CNIH3: variants seen among roughly 807,000 people sequenced by gnomAD.
CNIH3 encodes the protein cornichon family AMPA receptor auxiliary protein 3, also known as protein cornichon homolog 3.
A neutral mutation model predicts 24.1 loss-of-function variants in CNIH3; 14 were observed. The ratio of observed to expected loss-of-function variants is 0.58; its 90% CI spans 0.38 to 0.91. CNIH3 has a LOEUF of 0.91. Ranked by LOEUF, CNIH3 falls within the 40% of genes least tolerant of loss-of-function variation. The pLI, the probability that CNIH3 is intolerant of heterozygous loss-of-function variation, is 0.00. For synonymous variants in CNIH3, 68 were observed against 73.8 expected (o/e 0.92, Z 0.40); for missense variants, 178 against 196.8 (o/e 0.90, Z 0.57).
At chr1:224,545,624 A>G (rs1433911958) in intron 2 of CNIH3, among the ~76,000 whole-genome samples, 3 of 152,154 alleles carry the variant, frequency 2.0e-5, no homozygotes, top group Admixed American at 2.0e-4. Flanking sequence ...CTGTAAGAAC[A>G]AACATCATTA....
In CNIH3 at chr1:224,545,644, C is replaced by T. The variant is rs117114504; in HGVS notation, n.340-1185C>T. ...AGAACAAACATCATTAAGTTCTTGG[C>T]GGAGGAAGAAGGGGCACAGAGGAGG... On this transcript the variant is annotated intron_variant and non_coding_transcript_variant, in intron 2 of 5. Transcript: ENST00000471578. Among the ~76,000 whole-genome samples, 67 of 152,038 alleles carry T rather than the reference C, an allele frequency of 4.4e-4. 2 individuals carry two copies. In the East Asian group the frequency reaches 9.1e-3, roughly 21 times the overall value.
chr1:224,554,790 T>C (rs1411253046), intron 3 of CNIH3, among the ~76,000 whole-genome samples: 1 of 152,138 alleles, frequency 6.6e-6, no homozygotes, highest in Non-Finnish European at 1.5e-5. Flanking sequence ...TCTCACTATG[T>C]TGCCTAAGCT....
At chr1:224,655,679 C>T (rs996726368) in intron 1 of CNIH3, among the ~76,000 whole-genome samples, 4 of 152,146 alleles carry the variant, frequency 2.6e-5, no homozygotes, top group South Asian at 2.1e-4. Context: ...CCCAGGGATC[C>T]GTTGCTCACT....
rs560931988 is a variant in CNIH3 at position 224,703,023 on chromosome 1, G to C, written c.198+18180G>C. Reference sequence around the variant, plus strand: ...ATTGAATTGGAAACTCAGGAGGTGAGGTTAGGGCCTCAGCATTTTATAAAT... The same window carrying C: ...ATTGAATTGGAAACTCAGGAGGTGACGTTAGGGCCTCAGCATTTTATAAAT... On this transcript the variant is annotated intron_variant, in intron 3 of 5. Transcript: ENST00000272133. The surrounding 1 kb of genome is among the most constrained non-coding windows in gnomAD (Gnocchi z 4.2). 6.6e-6 allele frequency among the ~76,000 whole-genome samples: 1 copy of C among 152,196 alleles called. No individual in the cohort carries two copies.
At chr1:224,451,125 C>T (rs1489182016) in intron 1 of CNIH3, among the ~76,000 whole-genome samples, 3 of 152,044 alleles carry the variant, frequency 2.0e-5, no homozygotes, top group East Asian at 1.9e-4. Flanking sequence ...GGGGTATGGC[C>T]GAGGGTTATG....
At chr1:224,692,586 T>C (rs942508503) in intron 3 of CNIH3, among the ~76,000 whole-genome samples, 4 of 152,318 alleles carry the variant, frequency 2.6e-5, no homozygotes, top group Admixed American at 6.5e-5. Flanking sequence ...TTCTAAAGCA[T>C]GGAAATAGTG....
At chr1:224,483,934 G>A (rs1423569222) in intron 1 of CNIH3, among the ~76,000 whole-genome samples, 2 of 152,114 alleles carry the variant, frequency 1.3e-5, no homozygotes, top group African/African-American at 4.8e-5. Context: ...ACTTTGGGAG[G>A]CCAAGATGGG....
At chr1:224,694,268 A>G (rs4653593) in intron 3 of CNIH3, among the ~76,000 whole-genome samples, 118,015 of 152,138 alleles carry the variant, frequency 0.78, 46,468 homozygotes, top group Middle Eastern at 0.87. Flanking sequence ...CACAACAGAA[A>G]GTTGGTTTTG....
intron 1 of CNIH3, among the ~76,000 whole-genome samples, chr1:224,509,601 C>T (rs1471524840): frequency 6.6e-6 from 1 of 152,146 alleles, no homozygotes; most frequent in African/African-American, 2.4e-5. Flanking sequence ...CCTGCCTGCC[C>T]CAAATAGCTG....
intron 1 of CNIH3, among the ~76,000 whole-genome samples, chr1:224,666,606 C>T (rs1453438173): frequency 1.3e-5 from 2 of 152,126 alleles, no homozygotes; most frequent in African/African-American, 2.4e-5. Flanking sequence ...AGCCCTCAAT[C>T]GCCAGTTTGT....
intron 3 of CNIH3, among the ~76,000 whole-genome samples, chr1:224,554,601 C>T (rs1456577456): frequency 2.7e-5 from 4 of 150,416 alleles, no homozygotes; most frequent in East Asian, 1.9e-4. Flanking sequence ...GTTGTTGTTT[C>T]GAGTCAGGGT....
chr1:224,470,781 G>A (rs1307342302), intron 1 of CNIH3, among the ~76,000 whole-genome samples: 1 of 152,144 alleles, frequency 6.6e-6, no homozygotes, highest in African/African-American at 2.4e-5. Context: ...CTTTAAAGAT[G>A]TTGTTCCATT....
chr1:224,533,201 A>G (rs1401276735), intron 2 of CNIH3, among the ~76,000 whole-genome samples: 1 of 151,940 alleles, frequency 6.6e-6, no homozygotes, highest in Non-Finnish European at 1.5e-5. Flanking sequence ...AGATTAAAGT[A>G]TCAGAGACAC....
rs775334757 is a variant in CNIH3, at chr1:224,604,589, G to A, written n.402+38325G>A. Among the ~76,000 whole-genome samples, 1 of 152,196 alleles carries A rather than the reference G, an allele frequency of 6.6e-6. No individual in the cohort carries two copies. The highest frequency in any genetic ancestry group is 1.5e-5 in the Non-Finnish European group (1 of 68,032). The stretch of plus-strand genomic sequence containing the variant: ...TGGTTATGTGGCACCAGGGAGGCTG[G>A]AGCCAGGGATGGGGCTCCCAGACTG... On this transcript the variant is annotated intron_variant and non_coding_transcript_variant, in intron 3 of 7. Transcript: ENST00000478120. This position sits in a 1 kb window ranked among gnomAD's most constrained non-coding sequence, Gnocchi z 4.4.
At chr1:224,726,197 G>T (rs1028011521) in intron 3 of CNIH3, among the ~76,000 whole-genome samples, 19 of 152,256 alleles carry the variant, frequency 1.2e-4, no homozygotes, top group Non-Finnish European at 1.6e-4. Context: ...CCAGCCTGGA[G>T]AGGAGGTCCA....
rs192444289 is a variant in CNIH3 at position 224,630,843 on chromosome 1, G to A, written c.81+13588G>A. 3.8e-3 allele frequency among the ~76,000 whole-genome samples: 571 copies of A among 152,182 alleles called. 2 individuals are homozygous for A. Among genetic ancestry groups the A allele is most frequent in the Non-Finnish European group, 5.5e-3 (377 of 68,000 alleles). ...GAGGTGGGTGGTTTCTGCCCTTGGG[G>A]TATGCTGTCTGGCCAGAATGGAGCT... On this transcript the variant is annotated intron_variant, in intron 1 of 5. Coordinates refer to ENST00000272133, the MANE Select transcript of CNIH3 (RefSeq NM_152495.2).
chr1:224,516,977 A>T (rs1221315536), intron 1 of CNIH3, among the ~76,000 whole-genome samples: 1 of 152,034 alleles, frequency 6.6e-6, no homozygotes, highest in Non-Finnish European at 1.5e-5. Context: ...CAGGGAAATT[A>T]AGAACTGTTT....
chr1:224,479,222 C>T (rs1037469262), intron 1 of CNIH3, among the ~76,000 whole-genome samples: 25 of 137,510 alleles, frequency 1.8e-4, no homozygotes, highest in African/African-American at 5.2e-4. Context: ...GGCGCAATCT[C>T]GGCTCACTGC....
At chr1:224,654,482 C>T (rs905444699) in intron 1 of CNIH3, among the ~76,000 whole-genome samples, 1 of 152,326 alleles carries the variant, frequency 6.6e-6, no homozygotes, top group East Asian at 1.9e-4. Flanking sequence ...AGAAGATATT[C>T]TATATGCTGA....
Sources: gnomAD v4.1 joint callset for allele counts (sites outside exome capture counted in the v4.1 genomes callset) on GRCh38, gnomAD v4.1.1 for gene constraint, Gnocchi (gnomAD v3.1) non-coding constraint, MANE v1.5 for transcripts, NCBI Gene and HGNC (gene_info 2026-07-23, HGNC 2026-07-21) for gene names.